Variants in CLEC9A observed in about 807,000 individuals in gnomAD.
CLEC9A encodes C-type lectin domain containing 9A.
CLEC9A carries 24 observed loss-of-function variants against 30.0 expected under a neutral mutation model. That is an observed-to-expected ratio of 0.80 (90% confidence interval 0.58 to 1.13). The LOEUF is 1.13. Among genes scored for constraint, CLEC9A ranks in the 50% most tolerant of loss-of-function variants. The pLI, the probability that CLEC9A is intolerant of heterozygous loss-of-function variation, is 0.00. For missense variants in CLEC9A, 251 were observed against 280.9 expected, an observed-to-expected ratio of 0.89 and a Z score of 0.76; for synonymous variants, 111 against 96.8, an observed-to-expected ratio of 1.15 and a Z score of -0.86.
At chr12:10,050,734 A>G (rs1343136619) in intron 2 of CLEC9A, among the ~76,000 whole-genome samples, 1 of 152,204 alleles carries the variant, frequency 6.6e-6, no homozygotes, top group Non-Finnish European at 1.5e-5. Context: ...AATTAATGAC[A>G]ACTTAAGCTT....
At chr12:10,049,622 A>G (rs145721386) in intron 2 of CLEC9A, among the ~76,000 whole-genome samples, 3 of 152,306 alleles carry the variant, frequency 2.0e-5, no homozygotes, top group Non-Finnish European at 2.9e-5. Flanking sequence ...CTCATGGACC[A>G]ACCTCTGCTA....
intron 7 of CLEC9A, 61 bp downstream of exon 7, chr12:10,063,267 ATCCCTC>A: frequency 1.4e-6 from 2 of 1,404,140 alleles, no homozygotes; most frequent in South Asian, 3.4e-5. Context: ...ATTAAAAGAA[ATCCCTC>A]ATTCTCATAA....
intron 1 of CLEC9A, among the ~76,000 whole-genome samples, chr12:10,036,603 A>G (rs1865746248): frequency 6.6e-6 from 1 of 152,202 alleles, no homozygotes; most frequent in Non-Finnish European, 1.5e-5. Context: ...CCATCCCTGT[A>G]TATTAATCAG....
intron 4 of CLEC9A, among the ~76,000 whole-genome samples, chr12:10,053,903 ATTTTTTATC>A (rs1865917022): frequency 6.6e-6 from 1 of 152,182 alleles, no homozygotes; most frequent in South Asian, 2.1e-4. Flanking sequence ...GTGAGACAGC[ATTTTTTATC>A]TCAAAACATA....
chr12:10,062,843 T>C (rs1866008986), intron 6 of CLEC9A, among the ~76,000 whole-genome samples: 1 of 152,150 alleles, frequency 6.6e-6, no homozygotes, highest in Non-Finnish European at 1.5e-5. Flanking sequence ...TAATTTCATA[T>C]TTAAGTTAAA....
chr12:10,046,643 GA>G (rs1420083859), intron 2 of CLEC9A, among the ~76,000 whole-genome samples: 4 of 152,174 alleles, frequency 2.6e-5, no homozygotes, highest in Non-Finnish European at 5.9e-5. Context: ...TTTAACTAGT[GA>G]ATACAATTTA....
intron 1 of CLEC9A, among the ~76,000 whole-genome samples, chr12:10,032,969 A>G (rs1865713080): frequency 6.6e-6 from 1 of 152,000 alleles, no homozygotes; most frequent in Admixed American, 6.5e-5. Context: ...CTTTATGTTA[A>G]TTAGGCTTTT....
At position 10,063,064 on chromosome 12, in the gene CLEC9A, G is replaced by A; in HGVS notation, c.329G>A (p.Ser110Asn). 6.3e-7 allele frequency: 1 copy of A among 1,599,010 alleles called. No individual in the cohort carries two copies. The highest frequency in any genetic ancestry group is 1.1e-5 in the South Asian group (1 of 88,046). Residue 110 changes from serine to asparagine, a missense_variant, in exon 7 of 9, where the codon AGC (serine) becomes AAC (asparagine). Ser to Asn is a conservative substitution (Grantham distance 46, BLOSUM62 1). Transcript: ENST00000355819. The part of the protein sequence containing the change: ...MQNSLSSAHN[S>N]SPCPNNWIQN... ...ATGTTTATATTCAAAGCCCATAACA[G>A]CAGTCCTTGTCCAAACAATTGGATT... is the stretch of plus-strand genomic sequence containing the variant.
At chr12:10,041,200 C>T (rs1263915103) in intron 1 of CLEC9A, among the ~76,000 whole-genome samples, 1 of 152,004 alleles carries the variant, frequency 6.6e-6, no homozygotes, top group Non-Finnish European at 1.5e-5. Context: ...GAGCCAAGAT[C>T]GTGCCACTGC....
chr12:10,041,665 A>G (rs1865798714), intron 2 of CLEC9A, 45 bp downstream of exon 2: 2 of 524,546 alleles, frequency 3.8e-6, no homozygotes, highest in Non-Finnish European at 7.7e-6. Flanking sequence ...AAGGGAGAAA[A>G]CTCTCAAATG....
At chr12:10,044,828 C>T (rs941149668) in intron 2 of CLEC9A, among the ~76,000 whole-genome samples, 1 of 152,180 alleles carries the variant, frequency 6.6e-6, no homozygotes, top group African/African-American at 2.4e-5. Context: ...GGCTTTCTTG[C>T]CTTTCTGTAC....
intron 5 of CLEC9A, among the ~76,000 whole-genome samples, chr12:10,057,339 T>C (rs2137311462): frequency 6.6e-6 from 1 of 151,976 alleles, no homozygotes; most frequent in South Asian, 2.1e-4. Flanking sequence ...TTAAATTATA[T>C]ACATATATAT....
intron 7 of CLEC9A, among the ~76,000 whole-genome samples, chr12:10,064,446 A>C (rs1023505932): frequency 6.6e-6 from 1 of 152,140 alleles, no homozygotes; most frequent in Non-Finnish European, 1.5e-5. Flanking sequence ...TCAGTATAAC[A>C]CTTTCTTTTT....
intron 5 of CLEC9A, among the ~76,000 whole-genome samples, chr12:10,055,999 C>T (rs1865939273): frequency 8.0e-6 from 1 of 125,610 alleles, no homozygotes; most frequent in South Asian, 2.6e-4. Context: ...GTGGAGGTTG[C>T]AGTGAGCCAA....
At chr12:10,053,557 C>G (rs1211343317) in intron 4 of CLEC9A, among the ~76,000 whole-genome samples, 1 of 152,166 alleles carries the variant, frequency 6.6e-6, no homozygotes, top group Non-Finnish European at 1.5e-5. Flanking sequence ...GGCTAATCTT[C>G]CCATCCCAAA....
At chr12:10,045,039 A>G (rs903115174) in intron 2 of CLEC9A, among the ~76,000 whole-genome samples, 1 of 152,186 alleles carries the variant, frequency 6.6e-6, no homozygotes, top group African/African-American at 2.4e-5. Context: ...AAAAATATTG[A>G]ATCAACTCAC....
At chr12:10,045,446 A>G (rs1026886106) in intron 2 of CLEC9A, 1 of 167,608 alleles carries the variant, frequency 6.0e-6, no homozygotes, top group African/African-American at 2.4e-5. Flanking sequence ...TTGTTTCCTT[A>G]GTTTTTGAAG....
chr12:10,062,966 A>G, intron 6 of CLEC9A, 89 bp from the exon 7 acceptor site: 3 of 1,168,552 alleles, frequency 2.6e-6, no homozygotes, highest in Non-Finnish European at 3.5e-6. Flanking sequence ...ATTCAGCCTC[A>G]CTGAGGGTGA....
intron 2 of CLEC9A, among the ~76,000 whole-genome samples, chr12:10,051,273 C>A (rs1012640148): frequency 2.6e-5 from 4 of 151,846 alleles, no homozygotes; most frequent in Admixed American, 1.3e-4. Context: ...TCAGTTGCCC[C>A]TGGGGATTCT....
Sources: allele counts gnomAD v4.1 joint callset (sites outside exome capture counted in the v4.1 genomes callset), GRCh38; gene constraint gnomAD v4.1.1; transcripts MANE v1.5; gene names NCBI Gene and HGNC (gene_info 2026-07-23, HGNC 2026-07-21).